DNER: variants seen among roughly 807,000 people sequenced by gnomAD.
DNER encodes delta and Notch-like epidermal growth factor-related receptor.
Under a neutral mutation model 78.2 loss-of-function variants are expected in DNER, and 33 were observed. The observed-to-expected ratio is 0.42, with a 90% confidence interval of 0.32 to 0.56. The LOEUF is 0.56. DNER is among the 20% of genes least tolerant of loss of function. The probability of loss-of-function intolerance (pLI) is 0.11; values close to 1 mark genes in which losing one functional copy is unlikely to be tolerated. For synonymous variants in DNER, 417 were observed against 384.8 expected (o/e 1.08, Z -0.98); for missense variants, 918 against 975.3 (o/e 0.94, Z 0.78).
intron 1 of DNER, among the ~76,000 whole-genome samples, chr2:229,646,662 T>C (rs567060453): frequency 6.6e-6 from 1 of 152,352 alleles, no homozygotes; most frequent in South Asian, 2.1e-4. Flanking sequence ...AACCAAACTC[T>C]ACAAGTATTT....
At chr2:229,655,324 T>TA (rs913512837) in intron 1 of DNER, among the ~76,000 whole-genome samples, 4 of 151,224 alleles carry the variant, frequency 2.6e-5, no homozygotes, top group South Asian at 2.1e-4. Context: ...GAGGGACTGG[T>TA]AAAAAAAGAA....
chr2:229,563,775 T>A (rs1419233297), intron 4 of DNER, among the ~76,000 whole-genome samples: 7 of 140,976 alleles, frequency 5.0e-5, no homozygotes, highest in African/African-American at 1.6e-4. Context: ...CCCATCTCCA[T>A]CATCATCAAC....
At chr2:229,480,141 A>G (rs906990714) in intron 6 of DNER, among the ~76,000 whole-genome samples, 30 of 152,214 alleles carry the variant, frequency 2.0e-4, no homozygotes, top group African/African-American at 7.2e-4. Flanking sequence ...CTTCCTTTTT[A>G]CTTTTTATCC....
chr2:229,546,445 T>C (rs4519513), intron 5 of DNER, among the ~76,000 whole-genome samples: 4,521 of 152,320 alleles, frequency 0.03, 201 homozygotes, highest in African/African-American at 0.095. Flanking sequence ...AGTTAAATTT[T>C]ATCTATCAGG....
At chr2:229,654,834 A>C (rs1698886355) in intron 1 of DNER, among the ~76,000 whole-genome samples, 1 of 152,196 alleles carries the variant, frequency 6.6e-6, no homozygotes. Context: ...CACATTAATG[A>C]TATGCTCATT....
intron 7 of DNER, among the ~76,000 whole-genome samples, chr2:229,465,444 A>G (rs1686110509): frequency 6.6e-6 from 1 of 152,152 alleles, no homozygotes; most frequent in Admixed American, 6.5e-5. Context: ...AGGGAGGGAA[A>G]GCATCAGGAT....
intron 1 of DNER, among the ~76,000 whole-genome samples, chr2:229,598,238 T>C (rs1170131853): frequency 1.3e-5 from 2 of 152,248 alleles, no homozygotes; most frequent in Admixed American, 1.3e-4. Context: ...TTCCCTTCCA[T>C]ACTAGTTTAG....
chr2:229,456,815 A>G lies in DNER; in HGVS notation c.1262-9275T>C, dbSNP rs1021303193. Among the ~76,000 whole-genome samples, 19 of 152,042 alleles carry G rather than the reference A, an allele frequency of 1.2e-4. 2 individuals are homozygous for G. Among genetic ancestry groups the G allele is most frequent in the Admixed American group, 1.0e-3 (16 of 15,278 alleles). On this transcript the variant is annotated intron_variant, in intron 7 of 12. Coordinates refer to ENST00000341772, the MANE Select transcript of DNER (RefSeq NM_139072.4). ...GGTGAAAAACATCTACCCATACACA[A>G]TATGCTCAGTGAACCCCAGGGAGAA... is the stretch of plus-strand genomic sequence containing the variant.
chr2:229,523,064 G>T (rs773419109), intron 5 of DNER, among the ~76,000 whole-genome samples: 1 of 152,236 alleles, frequency 6.6e-6, no homozygotes, highest in Middle Eastern at 3.2e-3. Context: ...ACAGGACTCA[G>T]ACAACATCCT....
At chr2:229,422,536 A>G (rs1331511988) in intron 8 of DNER, among the ~76,000 whole-genome samples, 1 of 152,110 alleles carries the variant, frequency 6.6e-6, no homozygotes. Flanking sequence ...TGTCTAGCTG[A>G]GTGAGCGGAT....
chr2:229,489,267 G>A (rs1279320535), intron 6 of DNER, among the ~76,000 whole-genome samples: 1 of 152,222 alleles, frequency 6.6e-6, no homozygotes, highest in African/African-American at 2.4e-5. Context: ...TAATGGAAGA[G>A]GAAGAGCCAG....
At chr2:229,488,635 T>A (rs1329581731) in intron 6 of DNER, among the ~76,000 whole-genome samples, 2 of 152,250 alleles carry the variant, frequency 1.3e-5, no homozygotes, top group African/African-American at 4.8e-5. Context: ...TACGTCCCTC[T>A]CTTTCCTCAT....
intron 1 of DNER, among the ~76,000 whole-genome samples, chr2:229,603,412 TA>T (rs1559179807): frequency 6.6e-6 from 1 of 151,782 alleles, no homozygotes; most frequent in African/African-American, 2.4e-5. Context: ...TAAAGTATAA[TA>T]AAAACAAAAA....
At chr2:229,456,402 GACAA>G (rs1694574252) in intron 7 of DNER, among the ~76,000 whole-genome samples, 1 of 151,452 alleles carries the variant, frequency 6.6e-6, no homozygotes, top group African/African-American at 2.4e-5. Context: ...ATTTGAAGGG[GACAA>G]ACATCTAAAC....
At chr2:229,651,203 C>G (rs1698811053) in intron 1 of DNER, among the ~76,000 whole-genome samples, 1 of 152,214 alleles carries the variant, frequency 6.6e-6, no homozygotes, top group Non-Finnish European at 1.5e-5. Context: ...GCTGGTTGCT[C>G]AGTTTCATCT....
In DNER at chr2:229,388,318, T is replaced by A. The variant is rs144906958; in HGVS notation, c.1802A>T (p.Asn601Ile). The stretch of plus-strand genomic sequence containing the variant: ...ATGCGGGCAGTGGCAGTTATAACCA[T>A]TGGGCTGGTCCAGGCAGCTCCCACC... The part of the protein sequence containing the change: ...HHGGSCLDQP[N>I]GYNCHCPHGW... Residue 601 changes from asparagine (N) to isoleucine (I), a missense_variant, in exon 11 of 13, where the codon AAT becomes ATT. Asn to Ile is a moderately radical substitution (Grantham distance 149). Transcript: ENST00000341772. 1.2e-5 allele frequency: 20 copies of A among 1,611,602 alleles called. No homozygotes were observed. Among genetic ancestry groups the A allele is most frequent in the Non-Finnish European group, 1.6e-5 (19 of 1,178,738 alleles).
chr2:229,653,274 A>G (rs527992558), intron 1 of DNER, among the ~76,000 whole-genome samples: 1 of 152,256 alleles, frequency 6.6e-6, no homozygotes, highest in South Asian at 2.1e-4. Flanking sequence ...CCTGCTGGAG[A>G]TGGAGAGTCG....
At chr2:229,554,455 T>A (rs1306656549) in intron 4 of DNER, among the ~76,000 whole-genome samples, 1 of 151,922 alleles carries the variant, frequency 6.6e-6, no homozygotes, top group East Asian at 1.9e-4. Context: ...ACTTTGGGAG[T>A]CCAAGGTGGG....
chr2:229,704,100 A>T (rs141240342), intron 1 of DNER, among the ~76,000 whole-genome samples: 1 of 152,236 alleles, frequency 6.6e-6, no homozygotes, highest in Admixed American at 6.5e-5. Context: ...ATATGAAAAG[A>T]TGTTCAACAC....
Sources: allele counts gnomAD v4.1 joint callset (sites outside exome capture counted in the v4.1 genomes callset), GRCh38; gene constraint gnomAD v4.1.1; transcripts MANE v1.5; gene names NCBI Gene and HGNC (gene_info 2026-07-23, HGNC 2026-07-21).